The following PPME1 variants were observed in gnomAD, a reference collection of about 807,000 sequenced individuals.
PPME1 encodes the protein testicular secretory protein Li 39.
PPME1 carries 17 observed loss-of-function variants against 56.9 expected under a neutral mutation model. The ratio of observed to expected loss-of-function variants is 0.30; its 90% CI spans 0.20 to 0.45. The LOEUF is 0.45. Ranked by LOEUF, PPME1 falls within the 20% of genes least tolerant of loss-of-function variation. PPME1 has a pLI of 1.00. For missense variants in PPME1, 357 were observed against 483.2 expected (o/e 0.74, Z 2.45); for synonymous variants, 122 against 156.2 (o/e 0.78, Z 1.63).
chr11:74,192,767 A>G (rs1451542952), intron 1 of PPME1, among the ~76,000 whole-genome samples: 1 of 151,968 alleles, frequency 6.6e-6, no homozygotes, highest in Non-Finnish European at 1.5e-5. Context: ...TTCTGCTCTC[A>G]CCTTGTGACA....
chr11:74,215,955 A>G (rs1027428209), intron 3 of PPME1, among the ~76,000 whole-genome samples: 1 of 152,198 alleles, frequency 6.6e-6, no homozygotes, highest in African/African-American at 2.4e-5. Context: ...AGGATATAAC[A>G]GTTATACATA....
intron 4 of PPME1, among the ~76,000 whole-genome samples, chr11:74,224,973 A>G (rs1858897481): frequency 6.6e-6 from 1 of 152,148 alleles, no homozygotes; most frequent in Non-Finnish European, 1.5e-5. Context: ...CAGAACTTCA[A>G]ATTCTTATGC....
intron 1 of PPME1, among the ~76,000 whole-genome samples, chr11:74,173,120 G>A (rs1017351868): frequency 6.6e-6 from 1 of 152,114 alleles, no homozygotes; most frequent in African/African-American, 2.4e-5. Flanking sequence ...GAGGTAGAAG[G>A]CTACATAGAA....
At chr11:74,235,626 A>T (rs192877304) in intron 7 of PPME1, 8 of 369,942 alleles carry the variant, frequency 2.2e-5, no homozygotes, top group African/African-American at 4.2e-5. Context: ...TTTTCTCCCT[A>T]CCGAATTATG....
intron 1 of PPME1, among the ~76,000 whole-genome samples, chr11:74,188,612 C>T (rs980542316): frequency 3.9e-5 from 6 of 152,096 alleles, no homozygotes; most frequent in Admixed American, 6.5e-5. Flanking sequence ...CCCTTAACAA[C>T]GAAAGTCTTG....
intron 5 of PPME1, among the ~76,000 whole-genome samples, chr11:74,226,989 T>A (rs1485968161): frequency 6.6e-6 from 1 of 152,120 alleles, no homozygotes; most frequent in Non-Finnish European, 1.5e-5. Flanking sequence ...TTACTGAAGG[T>A]TAGAACTTGC....
chr11:74,173,160 A>G (rs1362964273), intron 1 of PPME1, among the ~76,000 whole-genome samples: 1 of 152,218 alleles, frequency 6.6e-6, no homozygotes, highest in Non-Finnish European at 1.5e-5. Context: ...TGGCTTTGGA[A>G]GACAGAAAAG....
chr11:74,227,614 T>C (rs984147915), intron 5 of PPME1, among the ~76,000 whole-genome samples: 1 of 152,298 alleles, frequency 6.6e-6, no homozygotes, highest in East Asian at 1.9e-4. Flanking sequence ...GTAATGCTTC[T>C]CAGAAAATTA....
At chr11:74,251,066 C>T in intron 12 of PPME1, 48 bp downstream of exon 12, 1 of 1,556,202 alleles carries the variant, frequency 6.4e-7, no homozygotes, top group Non-Finnish European at 8.7e-7. Flanking sequence ...TGAGAATAAC[C>T]CTGGATGTCA....
At chr11:74,238,251 A>G (rs537821831) in intron 8 of PPME1, 7 of 152,284 alleles carry the variant, frequency 4.6e-5, no homozygotes, top group African/African-American at 1.7e-4. Context: ...CCTACTTAAC[A>G]AAACATTTGT....
chr11:74,193,174 T>G (rs1045391674), intron 1 of PPME1, among the ~76,000 whole-genome samples: 9 of 152,226 alleles, frequency 5.9e-5, no homozygotes, highest in Admixed American at 1.3e-4. Flanking sequence ...TGTTAAGTAC[T>G]TATGTGTGAA....
intron 13 of PPME1, among the ~76,000 whole-genome samples, chr11:74,252,103 CTTT>C (rs60650207): frequency 8.5e-6 from 1 of 117,006 alleles, no homozygotes; most frequent in Non-Finnish European, 1.8e-5. Context: ...TGGAGCAGGG[CTTT>C]TTTTTTTTTT....
Position 74,186,250 on chromosome 11 carries a change from T to C in PPME1, c.101+14728T>C, listed in dbSNP as rs1437595448. 5.3e-5 allele frequency among the ~76,000 whole-genome samples: 8 copies of C among 152,180 alleles called. No homozygotes were observed. In the East Asian group the frequency reaches 1.3e-3, roughly 26 times the overall value. On this transcript the variant is annotated intron_variant, in intron 1 of 13. Coordinates refer to ENST00000328257, the MANE Select transcript of PPME1 (RefSeq NM_016147.3). ...CAGCTCCCTGTGATCATGATCATAA[T>C]AGTTCTAAACCTTGACTTTGTTCTT...
rs1175663035 is a variant in PPME1 at position 74,171,332 on chromosome 11, T to C, written c.-90T>C. The C allele has an allele frequency of 2.0e-5, 31 of 1,518,598 alleles. No homozygotes were observed. The highest frequency in any genetic ancestry group is 2.7e-5 in the Non-Finnish European group (30 of 1,130,782). The allele number at this position is 1,518,598 out of a possible 1,614,324, so 94.1% of individuals were successfully genotyped here. A position where few individuals can be genotyped will look rare whatever the true frequency, so the allele number is the denominator to read the frequency against. On this transcript the variant is annotated 5_prime_UTR_variant, in exon 1 of 14. Coordinates refer to ENST00000328257, the MANE Select transcript of PPME1 (RefSeq NM_016147.3). ...CTGTCCAAAGGCGACAGGGCGTCGTTAGGGGAGCGAGTCGTGACCGGTTGG... is the reference window on the plus strand; with the variant it reads ...CTGTCCAAAGGCGACAGGGCGTCGTCAGGGGAGCGAGTCGTGACCGGTTGG...
intron 3 of PPME1, among the ~76,000 whole-genome samples, chr11:74,214,188 T>C (rs1858557132): frequency 6.6e-6 from 1 of 152,136 alleles, no homozygotes; most frequent in Non-Finnish European, 1.5e-5. Context: ...AAAAATGCAA[T>C]TGACATAATA....
intron 1 of PPME1, among the ~76,000 whole-genome samples, chr11:74,195,576 A>G (rs1014831833): frequency 2.0e-5 from 3 of 152,134 alleles, no homozygotes; most frequent in African/African-American, 7.2e-5. Context: ...ACATTCTTAT[A>G]TGTGTGTTTT....
chr11:74,253,545 CT>C lies in PPME1; in HGVS notation c.*36del. 1 of 1,587,724 alleles carries C rather than the reference CT, an allele frequency of 6.3e-7. No individual in the cohort carries two copies. Among genetic ancestry groups the C allele is most frequent in the Middle Eastern group, 1.7e-4 (1 of 6,022 alleles). ...GTCCACCCCTCCTCAACATCGAGCT[CT>C]GTTGTAAATACGTCGCACCAGAGGC... On this transcript the variant is annotated 3_prime_UTR_variant, in exon 14 of 14. Transcript: ENST00000328257.
intron 1 of PPME1, among the ~76,000 whole-genome samples, chr11:74,178,032 A>G (rs747347153): frequency 6.6e-6 from 1 of 152,210 alleles, no homozygotes; most frequent in Non-Finnish European, 1.5e-5. Flanking sequence ...AGTTTACTGT[A>G]GTTTAAACTA....
Position 74,222,175 on chromosome 11 carries a change from C to T in PPME1, c.289-137C>T, listed in dbSNP as rs1858816799. 3 of 667,404 alleles carry T rather than the reference C, an allele frequency of 4.5e-6. No homozygotes were observed. In the African/African-American group the frequency reaches 5.5e-5, roughly 12 times the overall value. The allele number at this position is 667,404 out of a possible 1,614,324, so 41.3% of individuals were successfully genotyped here. On this transcript the variant is annotated intron_variant, in intron 3 of 13. Coordinates refer to ENST00000328257, the MANE Select transcript of PPME1 (RefSeq NM_016147.3). ...AGAAAATCATCATTCTTTCATTTTG[C>T]TTAAAACTAGAAAGTCTTTTGATTC...
Sources: allele counts gnomAD v4.1 joint callset (sites outside exome capture counted in the v4.1 genomes callset), GRCh38; gene constraint gnomAD v4.1.1; transcripts MANE v1.5; gene names NCBI Gene and HGNC (gene_info 2026-07-23, HGNC 2026-07-21).